JMY: variants seen among roughly 807,000 people sequenced by gnomAD.
JMY encodes junction-mediating and -regulatory protein.
JMY carries 46 observed loss-of-function variants against 103.3 expected under a neutral mutation model. The ratio of observed to expected loss-of-function variants is 0.45; its 90% CI spans 0.35 to 0.57. The LOEUF (loss-of-function observed/expected upper bound fraction) is 0.57, where lower values mean the gene tolerates loss of function less well. Among genes scored for constraint, JMY ranks in the 20% least tolerant of loss-of-function variants. The probability of loss-of-function intolerance (pLI) is 0.00; values close to 1 mark genes in which losing one functional copy is unlikely to be tolerated. For missense variants in JMY, 1,238 were observed against 1,255.2 expected (o/e 0.99, Z 0.21); for synonymous variants, 526 against 489.3 (o/e 1.07, Z -0.99).
At chr5:79,286,619 G>C (rs984926005) in intron 2 of JMY, among the ~76,000 whole-genome samples, 1 of 151,496 alleles carries the variant, frequency 6.6e-6, no homozygotes. Context: ...CTCCAGTGTG[G>C]GTGACAGAGC....
At chr5:79,249,318 G>T (rs1745005910) in intron 1 of JMY, among the ~76,000 whole-genome samples, 1 of 152,202 alleles carries the variant, frequency 6.6e-6, no homozygotes, top group African/African-American at 2.4e-5. Flanking sequence ...CACCGTGCCT[G>T]CCCTTGTGAA....
chr5:79,301,751 TG>T (rs1746739785), intron 6 of JMY, among the ~76,000 whole-genome samples: 1 of 152,154 alleles, frequency 6.6e-6, no homozygotes, highest in East Asian at 1.9e-4. Context: ...GTGTCAGCCC[TG>T]GTTGTGAGCT....
intron 2 of JMY, among the ~76,000 whole-genome samples, chr5:79,286,428 G>T (rs1184424754): frequency 6.6e-6 from 1 of 152,124 alleles, no homozygotes; most frequent in Admixed American, 6.6e-5. Flanking sequence ...ATCACCTGAG[G>T]TCAGGAGTTC....
At chr5:79,274,757 C>T (rs1343351224) in intron 1 of JMY, among the ~76,000 whole-genome samples, 1 of 152,058 alleles carries the variant, frequency 6.6e-6, no homozygotes, top group South Asian at 2.1e-4. Context: ...CTTTGTTGGT[C>T]TGTTAATCTT....
intron 1 of JMY, among the ~76,000 whole-genome samples, chr5:79,250,387 C>T (rs1327560016): frequency 3.3e-5 from 5 of 152,244 alleles, no homozygotes; most frequent in East Asian, 3.9e-4. Context: ...TCAGTTAAAA[C>T]GGTGATTCTA....
In JMY at chr5:79,237,503, C is replaced by G. The variant is rs750573681; in HGVS notation, c.853C>G (p.Leu285Val). 1.2e-6 allele frequency: 2 copies of G among 1,613,812 alleles called. No individual in the cohort carries two copies. Among genetic ancestry groups the G allele is most frequent in the South Asian group, 2.2e-5 (2 of 91,074 alleles). Residue 285 changes from leucine to valine, a missense_variant, in exon 1 of 11, where the codon CTG becomes GTG. Physicochemically the swap from Leu to Val is conservative, Grantham distance 32. Transcript: ENST00000396137. ...PEMTEQEIDT[L>V]CYQLQVYLGH... is the part of the protein sequence containing the mutation. ...GATGACCGAGCAGGAAATCGACACTCTGTGTTACCAGCTCCAGGTCTACCT... is the reference window on the plus strand; with the variant it reads ...GATGACCGAGCAGGAAATCGACACTGTGTGTTACCAGCTCCAGGTCTACCT...
At chr5:79,291,864 TA>T (rs1746432416) in intron 4 of JMY, among the ~76,000 whole-genome samples, 1 of 152,194 alleles carries the variant, frequency 6.6e-6, no homozygotes, top group Non-Finnish European at 1.5e-5. Context: ...ACTGAGTACA[TA>T]TTTATTAAAG....
At chr5:79,244,832 TG>T (rs1744843436) in intron 1 of JMY, among the ~76,000 whole-genome samples, 1 of 139,420 alleles carries the variant, frequency 7.2e-6, no homozygotes, top group African/African-American at 2.7e-5. Flanking sequence ...TGTAACTATT[TG>T]TTTTTTTTTT....
chr5:79,249,636 G>T (rs771324958), intron 1 of JMY, among the ~76,000 whole-genome samples: 3 of 151,986 alleles, frequency 2.0e-5, no homozygotes, highest in Admixed American at 6.5e-5. Flanking sequence ...CATGTTTTTG[G>T]GTTTAAAAAT....
Position 79,278,099 on chromosome 5 carries a change from T to C in JMY, c.1206+16T>C. 6.3e-7 allele frequency: 1 copy of C among 1,594,212 alleles called. No individual in the cohort carries two copies. ...GCAGATCAAGGTATTTTTTTATTAA[T>C]CCTAACTAGTAGCCTGCCTGTTTCA... On this transcript the variant is annotated intron_variant, in intron 2 of 10. Transcript: ENST00000396137.
At chr5:79,272,760 A>T (rs1025005991) in intron 1 of JMY, among the ~76,000 whole-genome samples, 1 of 152,100 alleles carries the variant, frequency 6.6e-6, no homozygotes. Flanking sequence ...CAGCTTCCCG[A>T]GTAGCTGGGA....
rs1473565263 is a variant in JMY, at chr5:79,322,567, GATAGAA to G, written c.*967_*972del. On this transcript the variant is annotated 3_prime_UTR_variant, in exon 11 of 11. Transcript: ENST00000396137. The stretch of plus-strand genomic sequence containing the variant: ...CAGTGAAAAGCATGTGCTCTACAAA[GATAGAA>G]AGTAGAGACAAGTCTCCGTGGCTGG... 2.0e-5 allele frequency: 3 copies of G among 152,152 alleles called. No individual in the cohort carries two copies. The highest frequency in any genetic ancestry group is 6.6e-5 in the Admixed American group (1 of 15,258). The allele number at this position is 152,152 out of a possible 1,614,324, so 9.4% of individuals were successfully genotyped here. A position where few individuals can be genotyped will look rare whatever the true frequency, so the allele number is the denominator to read the frequency against.
At chr5:79,245,834 C>T (rs536822156) in intron 1 of JMY, among the ~76,000 whole-genome samples, 1 of 152,168 alleles carries the variant, frequency 6.6e-6, no homozygotes, top group African/African-American at 2.4e-5. Context: ...CTGTGTTGGC[C>T]AGGCTGGTCT....
intron 1 of JMY, among the ~76,000 whole-genome samples, chr5:79,261,294 C>T (rs1337494101): frequency 2.0e-5 from 3 of 152,132 alleles, no homozygotes; most frequent in Non-Finnish European, 4.4e-5. Context: ...TGCAGTCACC[C>T]CCCTGCCCAC....
Position 79,312,475 on chromosome 5 carries a change from G to A in JMY, c.2041G>A (p.Asp681Asn). 6.4e-7 allele frequency: 1 copy of A among 1,567,380 alleles called. No homozygotes were observed. The highest frequency in any genetic ancestry group is 8.6e-7 in the Non-Finnish European group (1 of 1,159,256). ...WVSQERQRTL[D>N]RLRTFKQRYP... The stretch of plus-strand genomic sequence containing the variant: ...TAGCCAAGAGAGACAGAGAACACTG[G>A]ATAGACTTCGAACATTTAAACAGGT... The change falls in exon 8 of 11, where the codon GAT (aspartate) becomes AAT (asparagine). Residue 681 changes from aspartate (D) to asparagine (N), a missense_variant. Physicochemically the swap from Asp to Asn is conservative, Grantham distance 23 (BLOSUM62 1). Coordinates refer to ENST00000396137, the MANE Select transcript of JMY (RefSeq NM_152405.5).
intron 1 of JMY, among the ~76,000 whole-genome samples, chr5:79,253,845 T>G (rs1255339391): frequency 6.6e-6 from 1 of 152,092 alleles, no homozygotes; most frequent in Non-Finnish European, 1.5e-5. Context: ...TCTTTATTTT[T>G]TTGTAGAAAT....
At chr5:79,292,397 G>A (rs1352611233) in intron 4 of JMY, among the ~76,000 whole-genome samples, 1 of 152,032 alleles carries the variant, frequency 6.6e-6, no homozygotes, top group Non-Finnish European at 1.5e-5. Context: ...ACTCACTGCA[G>A]CCCTGACCTC....
chr5:79,255,620 TG>T (rs1745216494), intron 1 of JMY, among the ~76,000 whole-genome samples: 1 of 152,318 alleles, frequency 6.6e-6, no homozygotes, highest in East Asian at 1.9e-4. Flanking sequence ...GGTGTTGTGA[TG>T]TAAGCTGTAT....
intron 1 of JMY, among the ~76,000 whole-genome samples, chr5:79,241,225 C>T (rs994942633): frequency 6.6e-6 from 1 of 152,098 alleles, no homozygotes. Flanking sequence ...TTTTCAAGGT[C>T]CTTGGCTTTG....
Sources: allele counts gnomAD v4.1 joint callset (sites outside exome capture counted in the v4.1 genomes callset), GRCh38; gene constraint gnomAD v4.1.1; transcripts MANE v1.5; gene names NCBI Gene and HGNC (gene_info 2026-07-23, HGNC 2026-07-21).